Variants in NTSR1 observed in about 807,000 individuals in gnomAD.
The protein encoded by NTSR1 is neurotensin receptor type 1.
Under a neutral mutation model 31.2 loss-of-function variants are expected in NTSR1, and 29 were observed. The ratio of observed to expected loss-of-function variants is 0.93; its 90% CI spans 0.69 to 1.27. The LOEUF (loss-of-function observed/expected upper bound fraction) is 1.27, where lower values mean the gene tolerates loss of function less well. NTSR1 is among the 50% of genes most tolerant of loss of function. The probability of loss-of-function intolerance (pLI) is 0.00; values close to 1 mark genes in which losing one functional copy is unlikely to be tolerated. For synonymous variants in NTSR1, 282 were observed against 269.9 expected (o/e 1.04, Z -0.44); for missense variants, 697 against 595.4 (o/e 1.17, Z -1.78).
At chr20:62,756,523 G>A (rs1008132851) in intron 2 of NTSR1, 13 of 152,392 alleles carry the variant, frequency 8.5e-5, no homozygotes, top group African/African-American at 3.1e-4. Context: ...GCTTGTTTGA[G>A]GGTGTGGCCA....
At chr20:62,730,590 G>A (rs1032434953) in intron 1 of NTSR1, among the ~76,000 whole-genome samples, 11 of 152,232 alleles carry the variant, frequency 7.2e-5, no homozygotes, top group Non-Finnish European at 1.3e-4. Flanking sequence ...CCCTTTGGGA[G>A]TAGAAATGCC....
chr20:62,712,049 G>A (rs1988626659), intron 1 of NTSR1, among the ~76,000 whole-genome samples: 1 of 152,232 alleles, frequency 6.6e-6, no homozygotes, highest in African/African-American at 2.4e-5. Context: ...TTACAAGGGT[G>A]CTCCTCCATC....
rs1989546498 is a variant in NTSR1 at position 62,758,181 on chromosome 20, G to A, written c.917-85G>A. 5.9e-6 allele frequency: 3 copies of A among 508,880 alleles called. No individual in the cohort carries two copies. Among genetic ancestry groups the A allele is most frequent in the Admixed American group, 1.5e-4 (2 of 13,042 alleles). The allele number at this position is 508,880 out of a possible 1,614,324, so 31.5% of individuals were successfully genotyped here. ...AGTGGGTCTCTGAGCCCACATCTGT[G>A]TGCCTCAGGTGCAGTGGGTCTCTGA... On this transcript the variant is annotated intron_variant, in intron 2 of 3. Coordinates refer to ENST00000370501, the MANE Select transcript of NTSR1 (RefSeq NM_002531.3). This position sits in a 1 kb window ranked among gnomAD's most constrained non-coding sequence, Gnocchi z 4.5.
At chr20:62,734,376 C>T (rs941343797) in intron 1 of NTSR1, among the ~76,000 whole-genome samples, 10 of 152,154 alleles carry the variant, frequency 6.6e-5, no homozygotes, top group Non-Finnish European at 1.3e-4. Flanking sequence ...CAGAGGAAGC[C>T]GAGCTCTGCT....
At position 62,732,579 on chromosome 20, in the gene NTSR1, G is replaced by A. The variant is rs973814664; in HGVS notation, c.715-22106G>A. 4 of 152,190 alleles carry A rather than the reference G, an allele frequency of 2.6e-5. No individual in the cohort carries two copies. Among genetic ancestry groups the A allele is most frequent in the African/African-American group, 9.7e-5 (4 of 41,428 alleles). 9.4% of individuals were successfully genotyped at this position (152,190 alleles called of 1,614,324 possible). A position where few individuals can be genotyped will look rare whatever the true frequency, so the allele number is the denominator to read the frequency against. The stretch of plus-strand genomic sequence containing the variant: ...GTGGTGCTGGTTGGGAAATCCTGTG[G>A]TGTATAATTCTTAGTATGTGATGCT... On this transcript the variant is annotated intron_variant, in intron 1 of 3. Coordinates refer to ENST00000370501, the MANE Select transcript of NTSR1 (RefSeq NM_002531.3). The surrounding 1 kb of genome is among the most constrained non-coding windows in gnomAD (Gnocchi z 4.0).
chr20:62,756,165 T>C (rs998976862), intron 2 of NTSR1, among the ~76,000 whole-genome samples: 1 of 151,616 alleles, frequency 6.6e-6, no homozygotes, highest in African/African-American at 2.4e-5. Flanking sequence ...CTTCAGCCAG[T>C]GATGAGCATG....
At position 62,709,184 on chromosome 20, in the gene NTSR1, G is replaced by A. The variant is rs202070643; in HGVS notation, c.-24G>A. ...CTTCCAGCCCCGGAGGCGCCGGACA[G>A]AGCCGCGGACTCCAGCGCCCACCAT... On this transcript the variant is annotated 5_prime_UTR_variant, in exon 1 of 4. Coordinates refer to ENST00000370501, the MANE Select transcript of NTSR1 (RefSeq NM_002531.3). The A allele has an allele frequency of 3.6e-6, 5 of 1,400,592 alleles. No individual in the cohort carries two copies. Among genetic ancestry groups the A allele is most frequent in the Non-Finnish European group, 4.6e-6 (5 of 1,085,122 alleles). 86.8% of individuals were successfully genotyped at this position (1,400,592 alleles called of 1,614,324 possible).
chr20:62,731,905 G>A (rs933658135), intron 1 of NTSR1, among the ~76,000 whole-genome samples: 8 of 152,196 alleles, frequency 5.3e-5, no homozygotes, highest in Non-Finnish European at 1.0e-4. Context: ...GATCACTTGA[G>A]GTCAGGAGTT....
intron 1 of NTSR1, among the ~76,000 whole-genome samples, chr20:62,738,555 T>C (rs1020466115): frequency 2.4e-4 from 37 of 152,252 alleles, no homozygotes; most frequent in Non-Finnish European, 8.8e-5. Flanking sequence ...TACATTTGTC[T>C]CTCTCTAGAG....
At chr20:62,731,178 G>A (rs1408392813) in intron 1 of NTSR1, among the ~76,000 whole-genome samples, 4 of 151,952 alleles carry the variant, frequency 2.6e-5, no homozygotes, top group South Asian at 4.2e-4. Context: ...TCCGCCTCCC[G>A]GGTTCAAGTG....
rs1989022317 is a variant in NTSR1 at position 62,732,856 on chromosome 20, A to C, written c.715-21829A>C. The C allele has an allele frequency of 6.6e-6, 1 of 152,176 alleles. No individual in the cohort carries two copies. Among genetic ancestry groups the C allele is most frequent in the Non-Finnish European group, 1.5e-5 (1 of 68,050 alleles). The allele number at this position is 152,176 out of a possible 1,614,324, so 9.4% of individuals were successfully genotyped here. A position where few individuals can be genotyped will look rare whatever the true frequency, so the allele number is the denominator to read the frequency against. Reference sequence around the variant, plus strand: ...GTGGCTCCAGGCACGCTGGTTCCCCATCTGACCCTCCGCTTGCTTTTCCTC... The same window carrying C: ...GTGGCTCCAGGCACGCTGGTTCCCCCTCTGACCCTCCGCTTGCTTTTCCTC... On this transcript the variant is annotated intron_variant, in intron 1 of 3. Transcript: ENST00000370501. The surrounding 1 kb of genome is among the most constrained non-coding windows in gnomAD (Gnocchi z 4.0).
chr20:62,726,121 T>C (rs6010967), intron 1 of NTSR1, among the ~76,000 whole-genome samples: 138,992 of 152,294 alleles, frequency 0.91, 63,609 homozygotes, highest in East Asian at 1. Flanking sequence ...GCAGCTCCAT[T>C]CCAGCCCGAG....
intron 1 of NTSR1, among the ~76,000 whole-genome samples, chr20:62,726,354 T>C (rs1016723535): frequency 6.6e-6 from 1 of 152,186 alleles, no homozygotes; most frequent in African/African-American, 2.4e-5. Context: ...TGTCCATAAA[T>C]AAAACCTGTT....
rs8116167 is a variant in NTSR1 at position 62,712,457 on chromosome 20, G to A, written c.714+2536G>A. ...CTGGGCACTTGCAAACAGAAATTGT[G>A]TTTAGAAATGAGGTGGTTCAGTGAT... On this transcript the variant is annotated intron_variant, in intron 1 of 3. Coordinates refer to ENST00000370501, the MANE Select transcript of NTSR1 (RefSeq NM_002531.3). Among the ~76,000 whole-genome samples the A allele has an allele frequency of 3.8e-3, 583 of 152,354 alleles. 3 individuals are homozygous for A. Among genetic ancestry groups the A allele is most frequent in the African/African-American group, 0.013 (536 of 41,592 alleles).
intron 1 of NTSR1, among the ~76,000 whole-genome samples, chr20:62,751,101 T>A (rs990664695): frequency 6.6e-6 from 1 of 152,154 alleles, no homozygotes; most frequent in Non-Finnish European, 1.5e-5. Flanking sequence ...GGTCTCAAAC[T>A]CCTGGCCTCA....
Position 62,760,335 on chromosome 20 carries a change from G to T in NTSR1, c.*68G>T. 1 of 1,525,832 alleles carries T rather than the reference G, an allele frequency of 6.6e-7. No individual in the cohort carries two copies. The highest frequency in any genetic ancestry group is 8.8e-7 in the Non-Finnish European group (1 of 1,137,526). The allele number at this position is 1,525,832 out of a possible 1,614,324, so 94.5% of individuals were successfully genotyped here. A position where few individuals can be genotyped will look rare whatever the true frequency, so the allele number is the denominator to read the frequency against. On this transcript the variant is annotated 3_prime_UTR_variant, in exon 4 of 4. Coordinates refer to ENST00000370501, the MANE Select transcript of NTSR1 (RefSeq NM_002531.3). Reference sequence around the variant, plus strand: ...GTCCTTGCCCCCGACAGACAGAGCAGCCCCCACCCGGGAGCCTTGATGGGG... The same window carrying T: ...GTCCTTGCCCCCGACAGACAGAGCATCCCCCACCCGGGAGCCTTGATGGGG...
chr20:62,730,051 C>T (rs527815795), intron 1 of NTSR1, among the ~76,000 whole-genome samples: 2 of 152,260 alleles, frequency 1.3e-5, no homozygotes, highest in African/African-American at 4.8e-5. Flanking sequence ...CTGTTATTAA[C>T]ATTTTGCATT....
chr20:62,753,839 T>C (rs886599415), intron 1 of NTSR1, among the ~76,000 whole-genome samples: 1 of 152,224 alleles, frequency 6.6e-6, no homozygotes, highest in African/African-American at 2.4e-5. Flanking sequence ...CTTCCTGTTC[T>C]GAGCAGCAGC....
At chr20:62,746,486 A>G (rs1010891054) in intron 1 of NTSR1, among the ~76,000 whole-genome samples, 1 of 152,198 alleles carries the variant, frequency 6.6e-6, no homozygotes, top group African/African-American at 2.4e-5. Flanking sequence ...TCTCCAAGGC[A>G]GTGATGTTTG....
Sources: allele counts gnomAD v4.1 joint callset (sites outside exome capture counted in the v4.1 genomes callset), GRCh38; gene constraint gnomAD v4.1.1; non-coding constraint Gnocchi (gnomAD v3.1); transcripts MANE v1.5; gene names NCBI Gene and HGNC (gene_info 2026-07-23, HGNC 2026-07-21).